PALMD: variants seen among roughly 807,000 people sequenced by gnomAD.
PALMD encodes paralemmin-like protein.
PALMD carries 42 observed loss-of-function variants against 56.2 expected under a neutral mutation model. The observed-to-expected ratio is 0.75, with a 90% confidence interval of 0.58 to 0.97. The LOEUF (loss-of-function observed/expected upper bound fraction) is 0.97, where lower values mean the gene tolerates loss of function less well. PALMD is among the 50% of genes least tolerant of loss of function. PALMD has a pLI of 0.00. For synonymous variants in PALMD, 242 were observed against 222.9 expected (o/e 1.09, Z -0.76); for missense variants, 660 against 643.8 (o/e 1.03, Z -0.27).
At chr1:99,672,896 T>C (rs1156593329) in intron 3 of PALMD, among the ~76,000 whole-genome samples, 1 of 152,166 alleles carries the variant, frequency 6.6e-6, no homozygotes, top group Non-Finnish European at 1.5e-5. Flanking sequence ...TCTGACCTTC[T>C]GCCTTCTTTT....
chr1:99,673,421 C>A (rs1424463323), intron 3 of PALMD, among the ~76,000 whole-genome samples: 1 of 152,104 alleles, frequency 6.6e-6, no homozygotes, highest in Non-Finnish European at 1.5e-5. Flanking sequence ...CCTACCCTAA[C>A]CCGTATCTAA....
chr1:99,689,365 C>T lies in PALMD; in HGVS notation c.1105C>T (p.Leu369=), dbSNP rs562962231. ...AGATGCACCCTCTCCAAAGCCAAGG[C>T]TGAGCCCCAGAGAGACAATATTTGG... The part of the protein sequence containing the change: ...DKDAPSPKPR[L]SPRETIFGKS... Residue 369 remains leucine (L), a synonymous_variant, in exon 7 of 8, where the codon CTG becomes TTG. Coordinates refer to ENST00000263174, the MANE Select transcript of PALMD (RefSeq NM_017734.5). The T allele has an allele frequency of 9.9e-6, 16 of 1,613,746 alleles. No homozygotes were observed. In the Admixed American group the frequency reaches 1.2e-4, roughly 12 times the overall value.
At chr1:99,678,997 C>T (rs1653279711) in intron 3 of PALMD, among the ~76,000 whole-genome samples, 1 of 151,576 alleles carries the variant, frequency 6.6e-6, no homozygotes, top group Non-Finnish European at 1.5e-5. Flanking sequence ...CTTTATCTAG[C>T]TTGGGGAATG....
chr1:99,648,872 G>C (rs1652503361), intron 1 of PALMD, among the ~76,000 whole-genome samples: 1 of 119,372 alleles, frequency 8.4e-6, no homozygotes, highest in Non-Finnish European at 1.7e-5. Context: ...CCAAGTGCCA[G>C]TCTTTTTCTT....
chr1:99,673,808 G>A (rs1387005436), intron 3 of PALMD, among the ~76,000 whole-genome samples: 1 of 152,144 alleles, frequency 6.6e-6, no homozygotes, highest in East Asian at 1.9e-4. Context: ...CAAGCCCCTA[G>A]TACAACGCCT....
At chr1:99,688,484 A>G (rs569454936) in intron 6 of PALMD, among the ~76,000 whole-genome samples, 78 of 152,210 alleles carry the variant, frequency 5.1e-4, no homozygotes, top group African/African-American at 1.9e-3. Context: ...TCGGTTCCCC[A>G]TTGAAATTCT....
At chr1:99,673,992 A>G (rs1318023426) in intron 3 of PALMD, among the ~76,000 whole-genome samples, 1 of 152,072 alleles carries the variant, frequency 6.6e-6, no homozygotes, top group Admixed American at 6.6e-5. Flanking sequence ...AAGCCTTGAA[A>G]CTCTTTTAAA....
rs1221974343 is a variant in PALMD, at chr1:99,683,086, GAGAGAAAGAAAGAAAGAAAGAAAGAA to G, written c.252-3586_252-3561del. Among the ~76,000 whole-genome samples, 59 of 16,536 alleles carry G rather than the reference GAGAGAAAGAAAGAAAGAAAGAAAGAA, an allele frequency of 3.6e-3. 1 individual carries two copies. Among genetic ancestry groups the G allele is most frequent in the Middle Eastern group, 0.023 (1 of 44 alleles). 10.8% of individuals were successfully genotyped at this position (16,536 alleles called of 152,430 possible). ...AGAGAGAGAGAGAGAGAGAGAGAGA[GAGAGAAAGAAAGAAAGAAAGAAAGAA>G]AGAAAGAAAGAAAGAAAGAAAGAAA... On this transcript the variant is annotated intron_variant, in intron 3 of 7. Coordinates refer to ENST00000263174, the MANE Select transcript of PALMD (RefSeq NM_017734.5).
At chr1:99,649,041 A>T (rs1486864397) in intron 1 of PALMD, among the ~76,000 whole-genome samples, 3 of 152,206 alleles carry the variant, frequency 2.0e-5, no homozygotes, top group African/African-American at 7.2e-5. Context: ...CTTCTCAAAG[A>T]TTTAAAGAGA....
At chr1:99,667,151 T>C (rs1312749988) in intron 2 of PALMD, among the ~76,000 whole-genome samples, 1 of 152,134 alleles carries the variant, frequency 6.6e-6, no homozygotes, top group East Asian at 1.9e-4. Context: ...TTAATCCCAC[T>C]AAAGATTTTT....
chr1:99,688,377 T>C (rs1337019102), intron 6 of PALMD, among the ~76,000 whole-genome samples: 1 of 152,140 alleles, frequency 6.6e-6, no homozygotes, highest in African/African-American at 2.4e-5. Context: ...AACATATTCT[T>C]CTTGACTAAA....
chr1:99,670,902 CAA>C (rs915783415), intron 3 of PALMD, among the ~76,000 whole-genome samples: 2 of 151,718 alleles, frequency 1.3e-5, no homozygotes, highest in Non-Finnish European at 2.9e-5. Flanking sequence ...AAAACAAAAA[CAA>C]AAAAACAAAA....
intron 7 of PALMD, 173 bp downstream of exon 7, chr1:99,690,045 A>G: frequency 1.9e-6 from 1 of 533,464 alleles, no homozygotes; most frequent in Non-Finnish European, 3.2e-6. Flanking sequence ...TGATTAAGTC[A>G]CTTCAAAAGA....
intron 1 of PALMD, among the ~76,000 whole-genome samples, chr1:99,660,011 T>A (rs1481162680): frequency 6.6e-6 from 1 of 152,164 alleles, no homozygotes; most frequent in African/African-American, 2.4e-5. Context: ...CAGCCCAAAC[T>A]GGCAATGAGC....
At chr1:99,650,760 G>C (rs549831086) in intron 1 of PALMD, among the ~76,000 whole-genome samples, 1 of 152,194 alleles carries the variant, frequency 6.6e-6, no homozygotes, top group African/African-American at 2.4e-5. Context: ...GATGACCTGG[G>C]TGACTTCACA....
intron 3 of PALMD, among the ~76,000 whole-genome samples, chr1:99,679,309 C>T (rs2100869191): frequency 6.6e-6 from 1 of 152,304 alleles, no homozygotes; most frequent in Middle Eastern, 3.4e-3. Context: ...TTAAGACCTA[C>T]TGCTTTAATT....
intron 1 of PALMD, among the ~76,000 whole-genome samples, chr1:99,646,698 T>C (rs1239923385): frequency 1.3e-5 from 2 of 152,222 alleles, no homozygotes; most frequent in African/African-American, 4.8e-5. Context: ...TTGACTGGCA[T>C]TAGATAAAAA....
intron 1 of PALMD, 113 bp from the exon 2 acceptor site, chr1:99,662,206 A>G (rs967776646): frequency 4.4e-5 from 29 of 656,538 alleles, no homozygotes; most frequent in Non-Finnish European, 7.9e-5. Context: ...GCAGCTTCAC[A>G]CCAATGCCAA....
intron 3 of PALMD, chr1:99,683,578 C>A (rs528062589): frequency 6.6e-6 from 1 of 152,220 alleles, no homozygotes; most frequent in Non-Finnish European, 1.5e-5. Context: ...TTTCTAGAAT[C>A]CAACCACTTC....
Sources: allele counts gnomAD v4.1 joint callset (sites outside exome capture counted in the v4.1 genomes callset), GRCh38; gene constraint gnomAD v4.1.1; transcripts MANE v1.5; gene names NCBI Gene and HGNC (gene_info 2026-07-23, HGNC 2026-07-21).